CATSPERD: variants seen among roughly 807,000 people sequenced by gnomAD.
The protein encoded by CATSPERD is catsper channel auxiliary subunit delta.
Under a neutral mutation model 98.1 loss-of-function variants are expected in CATSPERD, and 86 were observed. The ratio of observed to expected loss-of-function variants is 0.88; its 90% confidence interval spans 0.74 to 1.05. CATSPERD has a LOEUF of 1.05. Ranked by LOEUF, CATSPERD falls within the 50% of genes least tolerant of loss-of-function variation. CATSPERD has a pLI of 0.00. For synonymous variants in CATSPERD, 394 were observed against 390.2 expected (o/e 1.01, Z -0.12); for missense variants, 995 against 1,005.7 (o/e 0.99, Z 0.14).
chr19:5,770,830 C>T (rs2056629942), intron 18 of CATSPERD, 114 bp from the exon 19 acceptor site: 12 of 1,270,222 alleles, frequency 9.4e-6, no homozygotes, highest in Middle Eastern at 2.0e-4. Context: ...ATGCCACCTC[C>T]TGCCACTCTC....
At chr19:5,760,914 G>C (rs1199455905) in intron 15 of CATSPERD, among the ~76,000 whole-genome samples, 1 of 151,506 alleles carries the variant, frequency 6.6e-6, no homozygotes, top group East Asian at 1.9e-4. Context: ...CCCTGACCCT[G>C]GGCGACAGAG....
At chr19:5,733,335 C>CCTTT (rs1015057809) in intron 4 of CATSPERD, among the ~76,000 whole-genome samples, 1 of 122,890 alleles carries the variant, frequency 8.1e-6, no homozygotes, top group African/African-American at 3.3e-5. Flanking sequence ...TTCTTTCTTT[C>CCTTT]CTTTCTTTCT....
chr19:5,738,767 G>A (rs2485264), intron 6 of CATSPERD, among the ~76,000 whole-genome samples: 64,913 of 152,018 alleles, frequency 0.43, 14,108 homozygotes, highest in Non-Finnish European at 0.47. Context: ...GTACAGGTGG[G>A]GTTTCACCAT....
Position 5,776,141 on chromosome 19 carries a change from C to T in CATSPERD, c.1942-20C>T. ...CTCCCCAGTCCCTAGGGCCAGTGGG[C>T]ATGTCTCTGTCCCCCACAGAACTAT... On this transcript the variant is annotated intron_variant, in intron 20 of 21. Transcript: ENST00000381624. 6.2e-7 allele frequency: 1 copy of T among 1,612,238 alleles called. No individual in the cohort carries two copies. Among genetic ancestry groups the T allele is most frequent in the Non-Finnish European group, 8.5e-7 (1 of 1,178,688 alleles).
intron 13 of CATSPERD, 107 bp downstream of exon 13, chr19:5,754,352 A>C: frequency 1.4e-5 from 9 of 631,406 alleles, no homozygotes; most frequent in South Asian, 5.4e-5. Context: ...GAGAGACGCT[A>C]CTCGCACACT....
intron 11 of CATSPERD, 83 bp downstream of exon 11, chr19:5,749,266 A>C: frequency 2.2e-6 from 2 of 926,332 alleles, no homozygotes; most frequent in South Asian, 3.0e-5. Context: ...CTGAGGTGGA[A>C]GGATCACCTG....
At position 5,745,944 on chromosome 19, in the gene CATSPERD, A is replaced by G. The variant is rs1599544982; in HGVS notation, c.689A>G (p.Asn230Ser). ...GMFKYSDHPL[N>S]RSFGLSFDYN... ...TTCAAGTACTCAGATCACCCCCTCAACCGGAGTTTCGGGCTGTCTTTTGAC... is the reference window on the plus strand; with the variant it reads ...TTCAAGTACTCAGATCACCCCCTCAGCCGGAGTTTCGGGCTGTCTTTTGAC... The change falls in exon 9 of 22, where the codon AAC becomes AGC. Residue 230 changes from asparagine (N) to serine (S), a missense_variant. Physicochemically the swap from Asn to Ser is conservative, Grantham distance 46. Transcript: ENST00000381624. 1.2e-6 allele frequency: 2 copies of G among 1,613,798 alleles called. No individual in the cohort carries two copies. The highest frequency in any genetic ancestry group is 1.7e-5 in the Admixed American group (1 of 59,942).
At chr19:5,733,772 T>C (rs2055783750) in intron 4 of CATSPERD, 84 bp from the exon 5 acceptor site, 3 of 978,892 alleles carry the variant, frequency 3.1e-6, no homozygotes, top group Admixed American at 2.5e-5. Context: ...TTTTTTTTTT[T>C]CAATGCATGT....
chr19:5,744,567 T>C (rs2056059069), intron 8 of CATSPERD, 57 bp downstream of exon 8: 2 of 1,186,792 alleles, frequency 1.7e-6, no homozygotes, highest in Non-Finnish European at 2.4e-6. Context: ...GCCCAGGTTT[T>C]TGTTACAACT....
At position 5,767,694 on chromosome 19, in the gene CATSPERD, A is replaced by T. The variant is rs1031104153; in HGVS notation, c.1560-474A>T. Among the ~76,000 whole-genome samples the T allele has an allele frequency of 6.2e-4, 93 of 151,010 alleles. 1 individual carries two copies. The highest frequency in any genetic ancestry group is 2.2e-3 in the African/African-American group (89 of 40,994). On this transcript the variant is annotated intron_variant, in intron 17 of 21. Coordinates refer to ENST00000381624, the MANE Select transcript of CATSPERD (RefSeq NM_152784.4). ...AGTAGAGACGGGGTTTCACCGTGTT[A>T]GCCAGGATGGCCTCGGCCTCCCAAA...
chr19:5,774,907 C>T (rs2056713590), intron 20 of CATSPERD, among the ~76,000 whole-genome samples: 1 of 152,094 alleles, frequency 6.6e-6, no homozygotes, highest in African/African-American at 2.4e-5. Context: ...GTTCCCGCTA[C>T]TTGGAAAGCT....
In CATSPERD at chr19:5,778,623, A is replaced by C. The variant is rs776912756; in HGVS notation, c.2344A>C (p.Thr782Pro). The C allele has an allele frequency of 6.2e-7, 1 of 1,613,756 alleles. No homozygotes were observed. Among genetic ancestry groups the C allele is most frequent in the South Asian group, 1.1e-5 (1 of 91,082 alleles). Residue 782 changes from threonine to proline, a missense_variant, in exon 22 of 22, where the codon ACA becomes CCA. Physicochemically the swap from Thr to Pro is conservative, Grantham distance 38. Transcript: ENST00000381624. ...GGCCTCAGCCACAGCCAGGGCAGGC[A>C]CAGAGCCCCCGGGACGCCACCGCAC... Reference protein sequence around the residue: ...FRASATARAGTEPPGRHRTPH... With the variant: ...FRASATARAGPEPPGRHRTPH...
At position 5,776,178 on chromosome 19, in the gene CATSPERD, C is replaced by G. The variant is rs774517722; in HGVS notation, c.1959C>G (p.His653Gln). 1.5e-5 allele frequency: 25 copies of G among 1,614,070 alleles called. No homozygotes were observed. The highest frequency in any genetic ancestry group is 3.4e-6 in the Non-Finnish European group (4 of 1,180,036). The change falls in exon 21 of 22, where the codon CAC becomes CAG. Residue 653 changes from histidine to glutamine, a missense_variant. Physicochemically the swap from His to Gln is conservative, Grantham distance 24 (BLOSUM62 0). Transcript: ENST00000381624. ...CCCCACAGAACTATGTGAGCTGCCA[C>G]GACCCCAACAACAATGCCCCTTTGA... ...FWNRENYVSCHDPNNNAPLRW... is the reference protein window; with the variant it reads ...FWNRENYVSCQDPNNNAPLRW...
At position 5,768,206 on chromosome 19, in the gene CATSPERD, T is replaced by G; in HGVS notation, c.1598T>G (p.Leu533Trp). Residue 533 changes from leucine to tryptophan, a missense_variant, in exon 18 of 22, where the codon TTG (leucine) becomes TGG (tryptophan). This residue lies in a region of CATSPERD where 762 missense variants were observed against 773.7 expected (regional missense o/e 0.98). Transcript: ENST00000381624. ...SACSMGILDPLTLQDNYSFII... is the reference protein window; with the variant it reads ...SACSMGILDPWTLQDNYSFII... ...TGTTCCATGGGCATCCTGGACCCCT[T>G]GACCCTGCAAGACAATTACAGCTTC... The G allele has an allele frequency of 6.2e-7, 1 of 1,613,880 alleles. No individual in the cohort carries two copies. The highest frequency in any genetic ancestry group is 8.5e-7 in the Non-Finnish European group (1 of 1,179,854).
At chr19:5,770,270 AAC>A (rs1230458773) in intron 18 of CATSPERD, among the ~76,000 whole-genome samples, 1 of 149,736 alleles carries the variant, frequency 6.7e-6, no homozygotes, top group Non-Finnish European at 1.5e-5. Context: ...CTCTACTAAA[AAC>A]ACAAAAAATT....
rs1293215399 is a variant in CATSPERD, at chr19:5,757,868, T to C, written c.1304T>C (p.Leu435Pro). The change falls in exon 14 of 22, where the codon CTG (leucine) becomes CCG (proline). Residue 435 changes from leucine (L) to proline (P), a missense_variant. Coordinates refer to ENST00000381624, the MANE Select transcript of CATSPERD (RefSeq NM_152784.4). Reference sequence around the variant, plus strand: ...GTGATGGTGAGCAACCCCCACTCCCTGGGGTTCCAGGCCACCTTCTACGAG... The same window carrying C: ...GTGATGGTGAGCAACCCCCACTCCCCGGGGTTCCAGGCCACCTTCTACGAG... ...PLVMVSNPHSLGFQATFYENG... is the reference protein window; with the variant it reads ...PLVMVSNPHSPGFQATFYENG... 4 of 1,613,174 alleles carry C rather than the reference T, an allele frequency of 2.5e-6. No homozygotes were observed. The highest frequency in any genetic ancestry group is 1.7e-5 in the Admixed American group (1 of 59,896).
chr19:5,720,803 C>T lies in CATSPERD; in HGVS notation c.66C>T (p.Leu22=), dbSNP rs373309481. ...MWLRPLVTAQ[L]CRSRTVRTGK... is the part of the protein sequence containing the mutation. ...TCCGACCGCTGGTCACAGCTCAGCT[C>T]TGTCGGTGGGGCTGCCAGGACTCCT... Residue 22 remains leucine (L), a synonymous_variant, in exon 1 of 22, where the codon CTC becomes CTT. Transcript: ENST00000381624. 3 of 1,599,800 alleles carry T rather than the reference C, an allele frequency of 1.9e-6. No individual in the cohort carries two copies. The highest frequency in any genetic ancestry group is 4.5e-5 in the East Asian group (2 of 44,804).
intron 11 of CATSPERD, 112 bp downstream of exon 11, chr19:5,749,295 C>A (rs189625677): frequency 8.0e-5 from 48 of 599,414 alleles, no homozygotes; most frequent in Non-Finnish European, 5.5e-6. Flanking sequence ...AGTTCAAGAC[C>A]AGCCTTGCCA....
At chr19:5,761,883 G>A (rs1292341902) in intron 15 of CATSPERD, among the ~76,000 whole-genome samples, 3 of 150,254 alleles carry the variant, frequency 2.0e-5, no homozygotes, top group Admixed American at 1.3e-4. Context: ...GTGCCACCAC[G>A]CCCGGCTAAT....
Sources: allele counts gnomAD v4.1 joint callset (sites outside exome capture counted in the v4.1 genomes callset), GRCh38; gene constraint gnomAD v4.1.1; regional missense constraint gnomAD v4.1.1; transcripts MANE v1.5; gene names NCBI Gene and HGNC (gene_info 2026-07-23, HGNC 2026-07-21).